Variants in DDX21 observed in about 807,000 individuals in gnomAD.
DDX21 encodes nucleolar RNA helicase 2.
Under a neutral mutation model 90.0 loss-of-function variants are expected in DDX21, and 18 were observed. That is an observed-to-expected ratio of 0.20 (90% CI 0.14 to 0.30). DDX21 has a LOEUF of 0.30. Ranked by LOEUF, DDX21 falls within the 10% of genes least tolerant of loss-of-function variation. DDX21 has a pLI of 1.00. For missense variants in DDX21, 673 were observed against 944.5 expected (o/e 0.71, Z 3.77); for synonymous variants, 294 against 318.0 (o/e 0.92, Z 0.80).
At chr10:68,966,599 C>T (rs1421049545) in intron 5 of DDX21, among the ~76,000 whole-genome samples, 3 of 151,882 alleles carry the variant, frequency 2.0e-5, no homozygotes, top group Admixed American at 6.6e-5. Flanking sequence ...CCCACCACTG[C>T]GCCTGGTTAA....
rs917388471 is a variant in DDX21 at position 68,983,973 on chromosome 10, T to G, written c.*1161T>G. The G allele has an allele frequency of 3.9e-5, 6 of 152,182 alleles. No individual in the cohort carries two copies. Among genetic ancestry groups the G allele is most frequent in the Admixed American group, 6.5e-5 (1 of 15,280 alleles). The allele number at this position is 152,182 out of a possible 1,614,324, so 9.4% of individuals were successfully genotyped here. ...CTGTTGAAAGTTTGTTTTAGCTGCT[T>G]GGAGGCTTCCTTTTAAGACAAACTG... is the stretch of plus-strand genomic sequence containing the variant. On this transcript the variant is annotated 3_prime_UTR_variant, in exon 15 of 15. Coordinates refer to ENST00000354185, the MANE Select transcript of DDX21 (RefSeq NM_004728.4).
chr10:68,982,487 T>C, intron 14 of DDX21, 56 bp from the exon 15 acceptor site: 1 of 1,552,572 alleles, frequency 6.4e-7, no homozygotes. Context: ...TTTCTCATGC[T>C]TTTTAAAAAT....
At position 68,967,550 on chromosome 10, in the gene DDX21, A is replaced by T. The variant is rs561262030; in HGVS notation, c.1090+347A>T. ...CTCATTTTATCTAGAAACTTGGATTAAAAAAAAAAAGTCATTACTCTGGGA... is the reference window on the plus strand; with the variant it reads ...CTCATTTTATCTAGAAACTTGGATTTAAAAAAAAAAGTCATTACTCTGGGA... On this transcript the variant is annotated intron_variant, in intron 6 of 14. Coordinates refer to ENST00000354185, the MANE Select transcript of DDX21 (RefSeq NM_004728.4). Among the ~76,000 whole-genome samples, 11 of 146,608 alleles carry T rather than the reference A, an allele frequency of 7.5e-5. No homozygotes were observed. In the East Asian group the frequency reaches 1.2e-3, roughly 16 times the overall value.
chr10:68,972,161 G>A (rs750660188), intron 9 of DDX21, 109 bp downstream of exon 9: 3 of 1,259,838 alleles, frequency 2.4e-6, no homozygotes, highest in Non-Finnish European at 3.3e-6. Flanking sequence ...GCTATCTTTT[G>A]AGTGCTGGGA....
chr10:68,982,071 G>A (rs547412654), intron 14 of DDX21, among the ~76,000 whole-genome samples: 6 of 152,090 alleles, frequency 3.9e-5, no homozygotes, highest in African/African-American at 1.4e-4. Context: ...CGGGGGTTTC[G>A]CCATGTTGGC....
At chr10:68,964,819 C>T (rs1484326685) in intron 4 of DDX21, among the ~76,000 whole-genome samples, 1 of 149,528 alleles carries the variant, frequency 6.7e-6, no homozygotes, top group East Asian at 2.0e-4. Flanking sequence ...ACGCCTGGCT[C>T]ATTTGTATTT....
intron 5 of DDX21, 73 bp downstream of exon 5, chr10:68,965,567 C>T (rs1210034493): frequency 1.8e-6 from 2 of 1,124,924 alleles, no homozygotes; most frequent in African/African-American, 1.5e-5. Context: ...TTTCTTTTCA[C>T]CTTGACATCT....
At chr10:68,977,709 C>T in intron 12 of DDX21, 21 bp downstream of exon 12, 2 of 1,586,518 alleles carry the variant, frequency 1.3e-6, no homozygotes, top group Non-Finnish European at 1.7e-6. Flanking sequence ...GCAGCACATT[C>T]CTGACACTTC....
At chr10:68,962,834 C>T (rs1263918179) in intron 3 of DDX21, among the ~76,000 whole-genome samples, 1 of 152,164 alleles carries the variant, frequency 6.6e-6, no homozygotes, top group East Asian at 1.9e-4. Context: ...TAGGTGCTTC[C>T]TAAATCAGGA....
Position 68,982,749 on chromosome 10 carries a change from C to T in DDX21, c.2289C>T (p.Asn763=), listed in dbSNP as rs1288896460. ...GPRGQRSGGG[N]KSNRSQNKGQ... ...GAGGACAGCGATCAGGAGGTGGCAA[C>T]AAAAGTAACAGATCCCAAAACAAAG... The change falls in exon 15 of 15, where the codon AAC becomes AAT. Residue 763 remains asparagine, a synonymous_variant. Coordinates refer to ENST00000354185, the MANE Select transcript of DDX21 (RefSeq NM_004728.4). 6.2e-7 allele frequency: 1 copy of T among 1,613,960 alleles called. No individual in the cohort carries two copies. Among genetic ancestry groups the T allele is most frequent in the Non-Finnish European group, 8.5e-7 (1 of 1,179,984 alleles).
chr10:68,967,024 G>A lies in DDX21; in HGVS notation c.911G>A (p.Arg304His), dbSNP rs948731882. The A allele has an allele frequency of 6.9e-6, 11 of 1,605,366 alleles. No individual in the cohort carries two copies. The highest frequency in any genetic ancestry group is 2.7e-5 in the African/African-American group (2 of 74,334). Residue 304 changes from arginine to histidine, a missense_variant, in exon 6 of 15, where the codon CGC becomes CAC. Physicochemically the swap from Arg to His is conservative, Grantham distance 29. Transcript: ENST00000354185. ...TTGTCATTGTTTTTTATAGTTGAAC[G>A]CATGAGGAATGGGATTGATATCCTG... ...GGTPYGGQFERMRNGIDILVG... is the reference protein window; with the variant it reads ...GGTPYGGQFEHMRNGIDILVG...
intron 1 of DDX21, among the ~76,000 whole-genome samples, chr10:68,958,060 A>G (rs1219122107): frequency 6.6e-6 from 1 of 152,144 alleles, no homozygotes; most frequent in Non-Finnish European, 1.5e-5. Context: ...TTTTTTACAC[A>G]TGAGTGATAG....
chr10:68,970,129 T>A, intron 7 of DDX21, 72 bp from the exon 8 acceptor site: 1 of 1,413,904 alleles, frequency 7.1e-7, no homozygotes, highest in Non-Finnish European at 9.7e-7. Flanking sequence ...TTGTGCTCAC[T>A]GATCATTGTG....
chr10:68,983,026 CT>C lies in DDX21; in HGVS notation c.*218del. 4 of 653,144 alleles carry C rather than the reference CT, an allele frequency of 6.1e-6. No individual in the cohort carries two copies. The South Asian group carries it at 6.6e-5, about 11-fold the overall frequency. The allele number at this position is 653,144 out of a possible 1,614,324, so 40.5% of individuals were successfully genotyped here. On this transcript the variant is annotated 3_prime_UTR_variant, in exon 15 of 15. Transcript: ENST00000354185. Reference sequence around the variant, plus strand: ...ATTGTTACTTCTTCATCAGTTTTTCCTTTTGAAAGGTGTATGAATTCATTAC... The same window carrying C: ...ATTGTTACTTCTTCATCAGTTTTTCCTTTGAAAGGTGTATGAATTCATTAC...
rs760571144 is a variant in DDX21 at position 68,960,063 on chromosome 10, AAAAAATGAG to A, written c.346_354del (p.Lys116_Glu118del). 1 of 1,605,012 alleles carries A rather than the reference AAAAAATGAG, an allele frequency of 6.2e-7. No homozygotes were observed. Among genetic ancestry groups the A allele is most frequent in the Non-Finnish European group, 8.5e-7 (1 of 1,178,150 alleles). ...TTTCTTCTAAAACCAAAAAAGTGAC[AAAAAATGAG>A]GAGCCTTCTGAGGAAGAAATAGATG... On this transcript the variant is annotated inframe_deletion, in exon 2 of 15. Coordinates refer to ENST00000354185, the MANE Select transcript of DDX21 (RefSeq NM_004728.4).
chr10:68,969,066 A>G lies in DDX21; in HGVS notation c.1181A>G (p.Tyr394Cys). ...GCCAAGAAATACATGAAATCTACAT[A>G]TGAACAGGTGGACCTGATTGGTAAA... ...NVAKKYMKST[Y>C]EQVDLIGKKT... The change falls in exon 7 of 15, where the codon TAT becomes TGT. Residue 394 changes from tyrosine (Y) to cysteine (C), a missense_variant. Tyr to Cys is a radical substitution (Grantham distance 194, BLOSUM62 -2). This residue lies in a region of DDX21 where 218 missense variants were observed against 347.3 expected (regional missense o/e 0.63). Transcript: ENST00000354185. 6.2e-7 allele frequency: 1 copy of G among 1,614,102 alleles called. No individual in the cohort carries two copies. Among genetic ancestry groups the G allele is most frequent in the Non-Finnish European group, 8.5e-7 (1 of 1,180,016 alleles).
At chr10:68,960,893 GAT>G (rs1415601106) in intron 2 of DDX21, among the ~76,000 whole-genome samples, 1 of 152,092 alleles carries the variant, frequency 6.6e-6, no homozygotes, top group Non-Finnish European at 1.5e-5. Flanking sequence ...CAACAGAAGA[GAT>G]ACAGTTTTGT....
chr10:68,975,917 C>T (rs1016931442), intron 11 of DDX21, among the ~76,000 whole-genome samples: 8 of 151,910 alleles, frequency 5.3e-5, no homozygotes, highest in Admixed American at 1.3e-4. Flanking sequence ...GGCGTGGTTG[C>T]GCACGCCTAT....
At chr10:68,956,609 G>T in intron 1 of DDX21, 1 of 1,227,462 alleles carries the variant, frequency 8.1e-7, no homozygotes, top group Non-Finnish European at 1.0e-6. Flanking sequence ...GAGAGGGCCG[G>T]GTGTCCCACG....
Sources: gnomAD v4.1 joint callset for allele counts (sites outside exome capture counted in the v4.1 genomes callset) on GRCh38, gnomAD v4.1.1 for gene constraint, gnomAD v4.1.1 regional missense constraint, MANE v1.5 for transcripts, NCBI Gene and HGNC (gene_info 2026-07-23, HGNC 2026-07-21) for gene names.